The following SMCP variants were observed in gnomAD, a reference collection of about 807,000 sequenced individuals.
The protein encoded by SMCP is sperm mitochondrial-associated cysteine-rich protein.
For missense variants in SMCP, 137 were observed against 137.1 expected (o/e 1.00, Z 0.01); for synonymous variants, 41 against 46.9 (o/e 0.87, Z 0.51).
At chr1:152,880,351 T>C (rs2101621948) in intron 1 of SMCP, among the ~76,000 whole-genome samples, 1 of 152,258 alleles carries the variant, frequency 6.6e-6, no homozygotes, top group Non-Finnish European at 1.5e-5. Context: ...CCCAAGTGTG[T>C]GCTTGTGTGT....
intron 1 of SMCP, among the ~76,000 whole-genome samples, chr1:152,880,977 T>TGGCATATGG: frequency 2.5e-4 from 1 of 3,928 alleles, no homozygotes; most frequent in Non-Finnish European, 1.1e-3. Context: ...AGCACTGTGC[T>TGGCATATGG]CCCCTCCTTC....
intron 1 of SMCP, among the ~76,000 whole-genome samples, chr1:152,882,973 GGCAGAGGTT>G (rs1401255091): frequency 1.3e-5 from 2 of 152,246 alleles, no homozygotes; most frequent in Non-Finnish European, 2.9e-5. Context: ...GAACCTGGGA[GGCAGAGGTT>G]GCAGTGAGCT....
Position 152,884,640 on chromosome 1 carries a change from G to T in SMCP, c.218G>T (p.Gly73Val), listed in dbSNP as rs1427022814. 3 of 1,614,070 alleles carry T rather than the reference G, an allele frequency of 1.9e-6. No individual in the cohort carries two copies. The highest frequency in any genetic ancestry group is 3.3e-5 in the Admixed American group (2 of 60,002). ...TGCTGCATTCAGGCCAGGTGCTGTG[G>T]TTTGGAGACCAAGCCTGAAGTCTCA... ...PPCCIQARCC[G>V]LETKPEVSPL... Residue 73 changes from glycine (G) to valine (V), a missense_variant, in exon 2 of 2, where the codon GGT (glycine) becomes GTT (valine). Gly to Val is a moderately radical substitution (Grantham distance 109, BLOSUM62 -3). Transcript: ENST00000368765.
intron 1 of SMCP, among the ~76,000 whole-genome samples, chr1:152,881,855 G>GAT (rs1649064976): frequency 6.6e-6 from 1 of 152,204 alleles, no homozygotes; most frequent in African/African-American, 2.4e-5. Context: ...GTGGGAGAGA[G>GAT]AAGTAAGAAC....
chr1:152,884,698 G>A lies in SMCP; in HGVS notation c.276G>A (p.Pro92=), dbSNP rs1438320025. 6.8e-6 allele frequency: 11 copies of A among 1,614,062 alleles called. No individual in the cohort carries two copies. The highest frequency in any genetic ancestry group is 1.3e-5 in the African/African-American group (1 of 74,916). ...PLNMESEPNS[P]QTQDKGCQTQ... is the part of the protein sequence containing the mutation. ...ACATGGAGTCTGAGCCCAACTCACC[G>A]CAAACTCAGGACAAGGGCTGTCAAA... The change falls in exon 2 of 2, where the codon CCG becomes CCA. Residue 92 remains proline, a synonymous_variant. Coordinates refer to ENST00000368765, the MANE Select transcript of SMCP (RefSeq NM_030663.3).
chr1:152,884,686 G>C lies in SMCP; in HGVS notation c.264G>C (p.Glu88Asp). The change falls in exon 2 of 2, where the codon GAG becomes GAC. Residue 88 changes from glutamate to aspartate, a missense_variant. By Grantham distance (45) the Glu-to-Asp change is conservative (BLOSUM62 2). Transcript: ENST00000368765. ...PEVSPLNMES[E>D]PNSPQTQDKG... The stretch of plus-strand genomic sequence containing the variant: ...TCTCACCCCTTAACATGGAGTCTGA[G>C]CCCAACTCACCGCAAACTCAGGACA... The C allele has an allele frequency of 6.2e-7, 1 of 1,614,200 alleles. No individual in the cohort carries two copies. The highest frequency in any genetic ancestry group is 8.5e-7 in the Non-Finnish European group (1 of 1,180,034).
At position 152,884,832 on chromosome 1, in the gene SMCP, G is replaced by A; in HGVS notation, c.*59G>A. Reference sequence around the variant, plus strand: ...GGGGCCATGCCTTTCACTTTGTAGGGTGGGGGATTACTGAGAGTCAGGCTA... The same window carrying A: ...GGGGCCATGCCTTTCACTTTGTAGGATGGGGGATTACTGAGAGTCAGGCTA... On this transcript the variant is annotated 3_prime_UTR_variant, in exon 2 of 2. Transcript: ENST00000368765. The A allele has an allele frequency of 1.4e-6, 2 of 1,469,448 alleles. No homozygotes were observed. Among genetic ancestry groups the A allele is most frequent in the Non-Finnish European group, 1.9e-6 (2 of 1,065,878 alleles). 91.0% of individuals were successfully genotyped at this position (1,469,448 alleles called of 1,614,324 possible). A position where few individuals can be genotyped will look rare whatever the true frequency, so the allele number is the denominator to read the frequency against.
intron 1 of SMCP, among the ~76,000 whole-genome samples, chr1:152,883,657 C>T (rs535117437): frequency 6.6e-5 from 10 of 152,254 alleles, no homozygotes; most frequent in South Asian, 2.1e-4. Context: ...CACCACTGCC[C>T]CTTTATAGAG....
chr1:152,881,221 G>A (rs185843418), intron 1 of SMCP, among the ~76,000 whole-genome samples: 1 of 152,210 alleles, frequency 6.6e-6, no homozygotes, highest in African/African-American at 2.4e-5. Context: ...ATTCAGGATA[G>A]CCACAGCCCT....
At chr1:152,883,375 A>C (rs1365174775) in intron 1 of SMCP, among the ~76,000 whole-genome samples, 1 of 152,162 alleles carries the variant, frequency 6.6e-6, no homozygotes, top group Admixed American at 6.5e-5. Flanking sequence ...CTCTGGGACC[A>C]CAACAGTGGC....
At chr1:152,882,397 G>T (rs1347170233) in intron 1 of SMCP, among the ~76,000 whole-genome samples, 1 of 152,196 alleles carries the variant, frequency 6.6e-6, no homozygotes, top group Admixed American at 6.5e-5. Context: ...CAGGGAGAGT[G>T]TTTGGAGCAG....
At chr1:152,883,241 G>A (rs541686084) in intron 1 of SMCP, among the ~76,000 whole-genome samples, 2 of 152,294 alleles carry the variant, frequency 1.3e-5, no homozygotes, top group East Asian at 3.9e-4. Flanking sequence ...TTGTGGCTTT[G>A]TGAGCTGAGT....
At chr1:152,883,797 A>G (rs1649125088) in intron 1 of SMCP, among the ~76,000 whole-genome samples, 1 of 152,182 alleles carries the variant, frequency 6.6e-6, no homozygotes, top group Non-Finnish European at 1.5e-5. Flanking sequence ...TCTTGCTGTA[A>G]CCACCACAGT....
At chr1:152,878,581 A>G (rs768110256) in intron 1 of SMCP, 135 bp downstream of exon 1, 2 of 152,612 alleles carry the variant, frequency 1.3e-5, no homozygotes, top group Non-Finnish European at 2.9e-5. Flanking sequence ...TCCAGGATTC[A>G]TCCTATCTTT....
Position 152,884,854 on chromosome 1 carries a change from G to A in SMCP, c.*81G>A. The stretch of plus-strand genomic sequence containing the variant: ...AGGGTGGGGGATTACTGAGAGTCAG[G>A]CTAGACCTGTGTTTAGAGAAGCAGT... On this transcript the variant is annotated 3_prime_UTR_variant, in exon 2 of 2. Transcript: ENST00000368765. 1 of 1,274,586 alleles carries A rather than the reference G, an allele frequency of 7.8e-7. No homozygotes were observed. The highest frequency in any genetic ancestry group is 1.1e-6 in the Non-Finnish European group (1 of 910,398). 79.0% of individuals were successfully genotyped at this position (1,274,586 alleles called of 1,614,324 possible).
chr1:152,881,609 A>T (rs1283533735), intron 1 of SMCP, among the ~76,000 whole-genome samples: 1 of 148,230 alleles, frequency 6.7e-6, no homozygotes, highest in Non-Finnish European at 1.5e-5. Flanking sequence ...AATGGCGTGA[A>T]CCCGGGAAGC....
intron 1 of SMCP, among the ~76,000 whole-genome samples, chr1:152,881,465 G>T (rs995577514): frequency 6.6e-6 from 1 of 151,670 alleles, no homozygotes; most frequent in East Asian, 1.9e-4. Context: ...GAGGCGGGTG[G>T]ATCATGAGGT....
intron 1 of SMCP, among the ~76,000 whole-genome samples, chr1:152,881,451 G>A (rs907233735): frequency 6.6e-6 from 1 of 152,016 alleles, no homozygotes; most frequent in African/African-American, 2.4e-5. Flanking sequence ...CACTTTGGGA[G>A]GCCGAGGCGG....
intron 1 of SMCP, among the ~76,000 whole-genome samples, chr1:152,883,061 A>T (rs1184498051): frequency 6.6e-6 from 1 of 152,178 alleles, no homozygotes; most frequent in Non-Finnish European, 1.5e-5. Flanking sequence ...ACAAAAACAA[A>T]AACAAAGAAC....
Sources: allele counts gnomAD v4.1 joint callset (sites outside exome capture counted in the v4.1 genomes callset), GRCh38; gene constraint gnomAD v4.1.1; transcripts MANE v1.5; gene names NCBI Gene and HGNC (gene_info 2026-07-23, HGNC 2026-07-21).